Variants in NAV2 observed in about 807,000 individuals in gnomAD.
The protein encoded by NAV2 is helicase, APC down-regulated 1.
A neutral mutation model predicts 223.2 loss-of-function variants in NAV2; 54 were observed. The ratio of observed to expected loss-of-function variants is 0.24; its 90% CI spans 0.19 to 0.30. The LOEUF is 0.30. Ranked by LOEUF, NAV2 falls within the 10% of genes least tolerant of loss-of-function variation. The pLI is 1.00. For synonymous variants in NAV2, 1,279 were observed against 1,239.3 expected, an observed-to-expected ratio of 1.03 and a Z score of -0.67; for missense variants, 2,806 against 3,147.5, an observed-to-expected ratio of 0.89 and a Z score of 2.60.
intron 10 of NAV2, among the ~76,000 whole-genome samples, chr11:19,964,094 C>T (rs560396419): frequency 1.9e-3 from 286 of 152,224 alleles, no homozygotes; most frequent in Non-Finnish European, 2.7e-3. Flanking sequence ...CTTTATTAAT[C>T]GAGTGACTTT....
chr11:19,861,925 T>A (rs2061817789), intron 3 of NAV2, among the ~76,000 whole-genome samples: 1 of 152,194 alleles, frequency 6.6e-6, no homozygotes, highest in African/African-American at 2.4e-5. Flanking sequence ...GAGAACAGAG[T>A]TCAGCCATAT....
At chr11:19,964,704 T>C (rs950793114) in intron 10 of NAV2, among the ~76,000 whole-genome samples, 1 of 151,996 alleles carries the variant, frequency 6.6e-6, no homozygotes, top group Non-Finnish European at 1.5e-5. Flanking sequence ...TCTTGCTATG[T>C]TGTCCAGGCT....
chr11:20,032,395 C>T (rs927203293), intron 11 of NAV2, among the ~76,000 whole-genome samples: 7 of 152,174 alleles, frequency 4.6e-5, no homozygotes, highest in African/African-American at 7.2e-5. Context: ...CATGCCCCTC[C>T]GGAATATTAT....
chr11:19,511,118 G>A (rs1416319541), intron 1 of NAV2: 8 of 152,184 alleles, frequency 5.3e-5, no homozygotes, highest in African/African-American at 1.9e-4. Flanking sequence ...CCAGAAAATA[G>A]CAAAGTCTGT....
intron 1 of NAV2, among the ~76,000 whole-genome samples, chr11:19,411,828 A>G (rs1850158957): frequency 6.6e-6 from 1 of 152,148 alleles, no homozygotes; most frequent in African/African-American, 2.4e-5. Flanking sequence ...ACCCCTGGAA[A>G]CACTGGCTGC....
chr11:20,052,762 A>T (rs1022302733), intron 17 of NAV2, among the ~76,000 whole-genome samples: 1 of 152,218 alleles, frequency 6.6e-6, no homozygotes, highest in African/African-American at 2.4e-5. Context: ...TCTCACTCTG[A>T]TTCTTCCTGT....
Position 19,939,661 on chromosome 11 carries a change from G to A in NAV2, c.2034G>A (p.Arg678=), listed in dbSNP as rs1197276482. ...NTATVAPFLY[R]SQTDTEGNVT... ...TGTCTGCTTCGGTTTGTGTGTGAAG[G>A]TCTCAGACGGACACTGAAGGGAATG... The change falls in exon 8 of 38, where the codon AGG becomes AGA. Residue 678 remains arginine (R), a splice_region_variant and synonymous_variant. Coordinates refer to ENST00000349880, the MANE Select transcript of NAV2 (RefSeq NM_145117.5). 3.7e-6 allele frequency: 6 copies of A among 1,613,574 alleles called. No individual in the cohort carries two copies. The highest frequency in any genetic ancestry group is 2.7e-5 in the African/African-American group (2 of 74,918).
At chr11:20,063,869 A>C (rs910442314) in intron 20 of NAV2, among the ~76,000 whole-genome samples, 1 of 152,184 alleles carries the variant, frequency 6.6e-6, no homozygotes, top group Non-Finnish European at 1.5e-5. Context: ...CTGGAAAATA[A>C]GAGGACACCC....
At chr11:19,958,781 A>G (rs552593483) in intron 10 of NAV2, among the ~76,000 whole-genome samples, 35 of 152,236 alleles carry the variant, frequency 2.3e-4, no homozygotes, top group Non-Finnish European at 4.8e-4. Flanking sequence ...GGGCCCAGGC[A>G]GACCAATAGC....
At chr11:19,723,807 C>G (rs2050982589) in intron 1 of NAV2, among the ~76,000 whole-genome samples, 1 of 152,238 alleles carries the variant, frequency 6.6e-6, no homozygotes, top group Non-Finnish European at 1.5e-5. Context: ...CCTCCTGCCA[C>G]ATGCTGGCTG....
intron 12 of NAV2, among the ~76,000 whole-genome samples, chr11:20,042,792 C>T (rs987746297): frequency 1.3e-5 from 2 of 152,076 alleles, no homozygotes; most frequent in Admixed American, 6.6e-5. Flanking sequence ...GTATACCCAC[C>T]CTGAAAGCGC....
chr11:19,683,173 AG>A (rs1211149926), intron 1 of NAV2, among the ~76,000 whole-genome samples: 1 of 152,174 alleles, frequency 6.6e-6, no homozygotes, highest in Non-Finnish European at 1.5e-5. Context: ...TGAGGAAGGA[AG>A]AGTAGCCGGG....
chr11:19,459,658 A>C (rs776525044), intron 1 of NAV2, among the ~76,000 whole-genome samples: 2 of 152,342 alleles, frequency 1.3e-5, no homozygotes, highest in Middle Eastern at 3.4e-3. Flanking sequence ...CCAGTATTCT[A>C]GAGAGAATGC....
chr11:19,662,777 A>G (rs1172231617), intron 1 of NAV2, among the ~76,000 whole-genome samples: 1 of 152,204 alleles, frequency 6.6e-6, no homozygotes, highest in East Asian at 1.9e-4. Flanking sequence ...TGAGACACTG[A>G]AGCTTCAGGT....
intron 1 of NAV2, among the ~76,000 whole-genome samples, chr11:19,631,859 T>A (rs957037387): frequency 6.6e-6 from 1 of 152,238 alleles, no homozygotes; most frequent in African/African-American, 2.4e-5. Context: ...CTGTCAGACA[T>A]CTAATTAGCC....
intron 1 of NAV2, among the ~76,000 whole-genome samples, chr11:19,580,146 C>T (rs1275697903): frequency 6.6e-6 from 1 of 152,082 alleles, no homozygotes. Flanking sequence ...GCTTCCAGGG[C>T]TCGCTAATTT....
chr11:19,656,126 T>C (rs2048117906), intron 1 of NAV2, among the ~76,000 whole-genome samples: 2 of 152,172 alleles, frequency 1.3e-5, no homozygotes, highest in African/African-American at 4.8e-5. Flanking sequence ...GCTATGGTTA[T>C]CTCACAGCAC....
intron 1 of NAV2, among the ~76,000 whole-genome samples, chr11:19,829,965 G>A (rs539405256): frequency 3.3e-5 from 5 of 152,286 alleles, no homozygotes; most frequent in Admixed American, 1.3e-4. Context: ...GGTGGCTCAC[G>A]CCTGTAATCC....
chr11:19,387,042 T>C (rs1306892735), intron 1 of NAV2, among the ~76,000 whole-genome samples: 3 of 152,212 alleles, frequency 2.0e-5, no homozygotes, highest in African/African-American at 7.2e-5. Context: ...ATCCTTTTTT[T>C]GTTCCATTTC....
Sources: allele counts gnomAD v4.1 joint callset (sites outside exome capture counted in the v4.1 genomes callset), GRCh38; gene constraint gnomAD v4.1.1; transcripts MANE v1.5; gene names NCBI Gene and HGNC (gene_info 2026-07-23, HGNC 2026-07-21).